The following AFG2A variants were observed in gnomAD, a reference collection of about 807,000 sequenced individuals.
AFG2A encodes AAA ATPase AFG2A.
At chr4:123,145,186 C>T in the AFG2A span, among the ~76,000 whole-genome samples, 1 of 151,974 alleles carries the variant, frequency 6.6e-6, no homozygotes, top group African/African-American at 2.4e-5. Context: ...TTCTATTACT[C>T]ATTTTTCAAT....
At chr4:123,298,962 G>A in the AFG2A span, among the ~76,000 whole-genome samples, 1 of 152,156 alleles carries the variant, frequency 6.6e-6, no homozygotes, top group South Asian at 2.1e-4. Flanking sequence ...AGCTATGCCA[G>A]GTTGCTGCCA....
chr4:122,993,821 A>G, the AFG2A span, among the ~76,000 whole-genome samples: 1 of 151,990 alleles, frequency 6.6e-6, no homozygotes, highest in Non-Finnish European at 1.5e-5. Flanking sequence ...AAGAAAATGA[A>G]AAATAATTAT....
the AFG2A span, among the ~76,000 whole-genome samples, chr4:123,094,059 G>A: frequency 2.8e-3 from 431 of 152,272 alleles, 2 homozygotes; most frequent in African/African-American, 9.9e-3. Context: ...ATCCTGGACA[G>A]CTGTATCCAG....
At chr4:122,989,596 G>A in the AFG2A span, among the ~76,000 whole-genome samples, 38 of 152,234 alleles carry the variant, frequency 2.5e-4, no homozygotes, top group Middle Eastern at 3.4e-3. Context: ...TGGCTGGTTC[G>A]GAATTTGGGG....
the AFG2A span, among the ~76,000 whole-genome samples, chr4:123,185,713 G>A: frequency 1.3e-5 from 2 of 151,832 alleles, no homozygotes; most frequent in African/African-American, 4.8e-5. Context: ...TGATTCTCAC[G>A]CTCTGATTTT....
the AFG2A span, among the ~76,000 whole-genome samples, chr4:123,064,132 A>T: frequency 6.6e-6 from 1 of 152,082 alleles, no homozygotes; most frequent in African/African-American, 2.4e-5. Context: ...TCTCTTCTGT[A>T]TGTTCATTTA....
chr4:123,308,760 G>A, the AFG2A span, among the ~76,000 whole-genome samples: 3 of 152,208 alleles, frequency 2.0e-5, no homozygotes, highest in Non-Finnish European at 2.9e-5. Flanking sequence ...ATCTGGGGAA[G>A]ATGAACATAG....
chr4:122,954,623 C>T, the AFG2A span, among the ~76,000 whole-genome samples: 1 of 152,222 alleles, frequency 6.6e-6, no homozygotes, highest in Non-Finnish European at 1.5e-5. Context: ...TTTTGTCATC[C>T]TGTTTCTGCA....
At chr4:123,274,127 T>C in the AFG2A span, among the ~76,000 whole-genome samples, 1 of 152,130 alleles carries the variant, frequency 6.6e-6, no homozygotes, top group Non-Finnish European at 1.5e-5. Context: ...CTCAGTGTAT[T>C]CTTAAAGGGT....
chr4:123,026,937 C>G, the AFG2A span, among the ~76,000 whole-genome samples: 61 of 152,236 alleles, frequency 4.0e-4, no homozygotes, highest in Middle Eastern at 0.01. Flanking sequence ...TTTAATTACT[C>G]ATTTGTCCGA....
the AFG2A span, among the ~76,000 whole-genome samples, chr4:123,145,138 A>T: frequency 7.2e-5 from 11 of 152,106 alleles, no homozygotes; most frequent in East Asian, 2.1e-3. Flanking sequence ...CATAGAGTTA[A>T]TTTTTAAAAA....
chr4:123,256,230 A>C, the AFG2A span: 8 of 1,590,090 alleles, frequency 5.0e-6, no homozygotes, highest in Non-Finnish European at 6.9e-6. Context: ...GCGGTGGCTC[A>C]GGGTCATTAA....
the AFG2A span, among the ~76,000 whole-genome samples, chr4:123,005,821 C>T: frequency 2.6e-5 from 4 of 152,104 alleles, no homozygotes; most frequent in South Asian, 2.1e-4. Flanking sequence ...TATTGTTCCC[C>T]TCCTGGCCTT....
At chr4:123,137,116 G>A in the AFG2A span, among the ~76,000 whole-genome samples, 3 of 152,146 alleles carry the variant, frequency 2.0e-5, no homozygotes, top group Non-Finnish European at 4.4e-5. Context: ...CGCATCTAAC[G>A]GTGCGGCTGA....
chr4:123,240,253 T>C, the AFG2A span, among the ~76,000 whole-genome samples: 1 of 152,186 alleles, frequency 6.6e-6, no homozygotes, highest in Non-Finnish European at 1.5e-5. Flanking sequence ...TATCCAGGAC[T>C]TGAACTCAGC....
the AFG2A span, among the ~76,000 whole-genome samples, chr4:123,172,291 G>A: frequency 7.2e-5 from 11 of 152,192 alleles, no homozygotes; most frequent in Admixed American, 2.0e-4. Context: ...GCCCTATGGG[G>A]CAGCATACAC....
At chr4:123,020,196 C>T in the AFG2A span, among the ~76,000 whole-genome samples, 2 of 151,932 alleles carry the variant, frequency 1.3e-5, no homozygotes, top group Admixed American at 6.6e-5. Flanking sequence ...CACAAACACA[C>T]ACACACACAT....
At chr4:123,029,828 G>A in the AFG2A span, among the ~76,000 whole-genome samples, 1 of 152,060 alleles carries the variant, frequency 6.6e-6, no homozygotes, top group African/African-American at 2.4e-5. Flanking sequence ...TGTAGAGACA[G>A]GGTCTCACTG....
chr4:123,179,343 A>G, the AFG2A span, among the ~76,000 whole-genome samples: 1 of 132,312 alleles, frequency 7.6e-6, no homozygotes, highest in African/African-American at 2.6e-5. Flanking sequence ...ACTTACTTAT[A>G]TATGTCTGTA....
Sources: allele counts gnomAD v4.1 joint callset (sites outside exome capture counted in the v4.1 genomes callset), GRCh38; gene constraint gnomAD v4.1.1; transcripts MANE v1.5; gene names NCBI Gene and HGNC (gene_info 2026-07-23, HGNC 2026-07-21).